The following MTUS1 variants were observed in gnomAD, a reference collection of about 807,000 sequenced individuals.
MTUS1 encodes the protein microtubule associated scaffold protein 1.
Under a neutral mutation model 120.8 loss-of-function variants are expected in MTUS1, and 109 were observed. The observed-to-expected ratio is 0.90, with a 90% CI of 0.77 to 1.06. MTUS1 has a LOEUF of 1.06. Ranked by LOEUF, MTUS1 falls within the 50% of genes least tolerant of loss-of-function variation. The pLI is 0.00. For synonymous variants in MTUS1, 737 were observed against 550.5 expected (o/e 1.34, Z -4.74); for missense variants, 2,210 against 1,486.3 (o/e 1.49, Z -8.01).
chr8:17,675,651 A>G (rs1213871653), intron 7 of MTUS1, among the ~76,000 whole-genome samples: 2 of 152,236 alleles, frequency 1.3e-5, no homozygotes, highest in African/African-American at 4.8e-5. Context: ...TTCTAAACAT[A>G]AGCACATATA....
intron 8 of MTUS1, among the ~76,000 whole-genome samples, chr8:17,660,125 C>A (rs1386306481): frequency 6.6e-6 from 1 of 152,160 alleles, no homozygotes; most frequent in Admixed American, 6.5e-5. Context: ...GTAATCCCAG[C>A]ATTTTGGGAG....
chr8:17,673,116 T>G (rs2130621373), intron 8 of MTUS1, among the ~76,000 whole-genome samples: 1 of 152,276 alleles, frequency 6.6e-6, no homozygotes, highest in African/African-American at 2.4e-5. Flanking sequence ...CTAACTCTGT[T>G]AATTATGTTA....
chr8:17,653,046 C>T, intron 12 of MTUS1, 140 bp downstream of exon 12: 1 of 566,944 alleles, frequency 1.8e-6, no homozygotes, highest in Non-Finnish European at 3.1e-6. Context: ...AGTTGTTTTA[C>T]ACACCTTAGA....
intron 4 of MTUS1, among the ~76,000 whole-genome samples, chr8:17,718,146 C>A (rs1049356900): frequency 6.6e-6 from 1 of 152,158 alleles, no homozygotes; most frequent in African/African-American, 2.4e-5. Context: ...CAGTAAACCC[C>A]AACTTGAAGG....
chr8:17,747,767 G>A (rs1194979213), intron 2 of MTUS1, among the ~76,000 whole-genome samples: 1 of 152,108 alleles, frequency 6.6e-6, no homozygotes, highest in Non-Finnish European at 1.5e-5. Flanking sequence ...TGCTTATAAA[G>A]ACGTACATGA....
At chr8:17,739,513 A>T (rs2904735) in intron 3 of MTUS1, among the ~76,000 whole-genome samples, 32,896 of 151,644 alleles carry the variant, frequency 0.22, 3,656 homozygotes, top group Middle Eastern at 0.24. Context: ...ATAAATAAAT[A>T]AATTAATAAA....
chr8:17,724,965 A>C (rs558677324), intron 3 of MTUS1, among the ~76,000 whole-genome samples: 41 of 152,284 alleles, frequency 2.7e-4, no homozygotes, highest in Middle Eastern at 3.4e-3. Context: ...TTTGTTGCCC[A>C]GGCTGGTCTC....
intron 1 of MTUS1, among the ~76,000 whole-genome samples, chr8:17,774,637 G>A (rs568178391): frequency 7.9e-5 from 12 of 152,252 alleles, no homozygotes; most frequent in Middle Eastern, 3.4e-3. Context: ...TGCGTTGCTG[G>A]TGGAAATGTC....
At chr8:17,707,657 T>C (rs180814620) in intron 6 of MTUS1, among the ~76,000 whole-genome samples, 1 of 152,286 alleles carries the variant, frequency 6.6e-6, no homozygotes, top group East Asian at 1.9e-4. Context: ...CTAAAATTCA[T>C]ACAGAAAATC....
At position 17,649,971 on chromosome 8, in the gene MTUS1, G is replaced by A; in HGVS notation, c.3385-9C>T. 7.3e-7 allele frequency: 1 copy of A among 1,364,664 alleles called. No homozygotes were observed. Among genetic ancestry groups the A allele is most frequent in the Non-Finnish European group, 1.0e-6 (1 of 952,676 alleles). The allele number at this position is 1,364,664 out of a possible 1,614,324, so 84.5% of individuals were successfully genotyped here. ...ATGATCTGAGGATTTTTCTGGAAAG[G>A]ACACAGCAAGATACTGCTCTTATTC... On this transcript the variant is annotated splice_polypyrimidine_tract_variant and intron_variant, in intron 12 of 14. Transcript: ENST00000693296.
chr8:17,649,267 G>C (rs1247938239), intron 13 of MTUS1, among the ~76,000 whole-genome samples: 1 of 152,022 alleles, frequency 6.6e-6, no homozygotes, highest in Non-Finnish European at 1.5e-5. Context: ...ATGTTGGCCA[G>C]GCTGGTCTCG....
intron 4 of MTUS1, chr8:17,721,839 G>A (rs967920938): frequency 2.5e-6 from 4 of 1,614,060 alleles, no homozygotes; most frequent in Non-Finnish European, 3.4e-6. Context: ...GTGTAGAATT[G>A]ATAAAGATTT....
chr8:17,697,549 G>A (rs1341465142), intron 6 of MTUS1: 1 of 1,380,138 alleles, frequency 7.2e-7, no homozygotes, highest in Admixed American at 3.1e-5. Context: ...AATCCCCCAG[G>A]GCTGGCCAAG....
chr8:17,791,252 T>G (rs1477194431), intron 1 of MTUS1, among the ~76,000 whole-genome samples: 1 of 152,218 alleles, frequency 6.6e-6, no homozygotes. Flanking sequence ...GCTGATGTGA[T>G]CAGTTCTTAA....
At chr8:17,681,908 T>A (rs1323173302) in intron 7 of MTUS1, among the ~76,000 whole-genome samples, 1 of 152,132 alleles carries the variant, frequency 6.6e-6, no homozygotes, top group African/African-American at 2.4e-5. Context: ...AATATATATA[T>A]AAAATAATAT....
At chr8:17,702,418 A>T (rs968490956) in intron 6 of MTUS1, among the ~76,000 whole-genome samples, 21 of 152,040 alleles carry the variant, frequency 1.4e-4, no homozygotes, top group Admixed American at 1.3e-3. Context: ...ACTTAATGAG[A>T]TCTACCTTCT....
At chr8:17,780,594 C>T (rs529478421) in intron 1 of MTUS1, among the ~76,000 whole-genome samples, 10 of 152,266 alleles carry the variant, frequency 6.6e-5, no homozygotes, top group African/African-American at 2.2e-4. Context: ...GTAGCAACTC[C>T]GACAGGCACT....
intron 2 of MTUS1, among the ~76,000 whole-genome samples, chr8:17,745,310 A>G (rs566036027): frequency 3.0e-4 from 45 of 152,340 alleles, no homozygotes; most frequent in Admixed American, 1.3e-4. Flanking sequence ...GGGTTTGCAT[A>G]TAACCTATGT....
chr8:17,773,012 ATTG>A (rs930044840), intron 1 of MTUS1, among the ~76,000 whole-genome samples: 5 of 152,268 alleles, frequency 3.3e-5, no homozygotes, highest in Non-Finnish European at 7.4e-5. Flanking sequence ...TCCTTTCCAT[ATTG>A]TTCATGCAAT....
Sources: gnomAD v4.1 joint callset for allele counts (sites outside exome capture counted in the v4.1 genomes callset) on GRCh38, gnomAD v4.1.1 for gene constraint, MANE v1.5 for transcripts, NCBI Gene and HGNC (gene_info 2026-07-23, HGNC 2026-07-21) for gene names.